NLRP4: variants seen among roughly 807,000 people sequenced by gnomAD.
The protein encoded by NLRP4 is NLR family pyrin domain containing 4.
A neutral mutation model predicts 84.7 loss-of-function variants in NLRP4; 44 were observed. That is an observed-to-expected ratio of 0.52 (90% CI 0.41 to 0.67). The LOEUF is 0.67. NLRP4 is among the 30% of genes least tolerant of loss of function. NLRP4 has a pLI of 0.00. For synonymous variants in NLRP4, 544 were observed against 476.4 expected, an observed-to-expected ratio of 1.14 and a Z score of -1.85; for missense variants, 1,260 against 1,219.4, an observed-to-expected ratio of 1.03 and a Z score of -0.50.
chr19:55,862,089 C>A lies in NLRP4; in HGVS notation c.2116C>A (p.Leu706Ile), dbSNP rs1426150497. The A allele has an allele frequency of 6.2e-7, 1 of 1,612,300 alleles. No individual in the cohort carries two copies. Residue 706 changes from leucine to isoleucine, a missense_variant, in exon 5 of 10, where the codon CTC becomes ATC. Leu to Ile is a conservative substitution (Grantham distance 5). Coordinates refer to ENST00000301295, the MANE Select transcript of NLRP4 (RefSeq NM_134444.5). ...LKYLSFTLTK[L>I]SRDDIRSLCD... ...ATACCTGAGCTTCACCCTCACGAAA[C>A]TCTCTCGTGATGACATCAGGTCCCT... is the stretch of plus-strand genomic sequence containing the variant.
rs747054234 is a variant in NLRP4 at position 55,858,055 on chromosome 19, C to T, written c.662C>T (p.Ser221Phe). 2.5e-6 allele frequency: 4 copies of T among 1,614,194 alleles called. No homozygotes were observed. The highest frequency in any genetic ancestry group is 1.1e-5 in the South Asian group (1 of 91,088). Residue 221 changes from serine to phenylalanine, a missense_variant, in exon 3 of 10, where the codon TCT (serine) becomes TTT (phenylalanine). Coordinates refer to ENST00000301295, the MANE Select transcript of NLRP4 (RefSeq NM_134444.5). The surrounding 1 kb of genome is among the most constrained non-coding windows in gnomAD (Gnocchi z 4.2). ...GCTGCTCCTATAACAGAGATCGTGT[C>T]TCAACCGGAGAGACTCTTGTTCGTC... is the stretch of plus-strand genomic sequence containing the variant. ...DPAAPITEIV[S>F]QPERLLFVID...
intron 3 of NLRP4, among the ~76,000 whole-genome samples, chr19:55,860,329 C>T (rs1052903208): frequency 6.6e-6 from 1 of 152,230 alleles, no homozygotes; most frequent in Non-Finnish European, 1.5e-5. Context: ...ATAACCCCAA[C>T]ACTTTGAGAA....
chr19:55,871,778 A>G (rs1985192816), intron 7 of NLRP4, among the ~76,000 whole-genome samples: 1 of 152,170 alleles, frequency 6.6e-6, no homozygotes, highest in Non-Finnish European at 1.5e-5. Context: ...GCACTGAAAG[A>G]CACCAAAAAC....
intron 1 of NLRP4, among the ~76,000 whole-genome samples, chr19:55,839,320 T>TGTGTGTGTGTGTGTGTGTGC (rs1373920562): frequency 1.3e-5 from 2 of 152,050 alleles, no homozygotes; most frequent in African/African-American, 4.8e-5. Flanking sequence ...TGTGTGTGTG[T>TGTGTGTGTGTGTGTGTGTGC]GCTCTTTCAC....
At chr19:55,861,912 G>T (rs997108920) in intron 4 of NLRP4, 80 bp from the exon 5 acceptor site, 25 of 943,866 alleles carry the variant, frequency 2.6e-5, no homozygotes, top group Non-Finnish European at 4.1e-5. Context: ...GTTCATGATG[G>T]ATGATGAGAG....
chr19:55,843,008 C>T (rs568560420), intron 1 of NLRP4, among the ~76,000 whole-genome samples: 50 of 152,298 alleles, frequency 3.3e-4, no homozygotes, highest in Non-Finnish European at 6.2e-4. Flanking sequence ...ATCCGCCCAC[C>T]TCGGCCTCCC....
At chr19:55,842,792 C>A (rs1049857602) in intron 1 of NLRP4, among the ~76,000 whole-genome samples, 2 of 151,906 alleles carry the variant, frequency 1.3e-5, no homozygotes, top group East Asian at 3.9e-4. Context: ...TGGAGTGTTG[C>A]TCTGTCACCC....
intron 7 of NLRP4, among the ~76,000 whole-genome samples, chr19:55,873,751 C>T (rs1337365466): frequency 6.6e-6 from 1 of 152,132 alleles, no homozygotes; most frequent in East Asian, 1.9e-4. Flanking sequence ...TTATTCGGTT[C>T]ATGCTAATTT....
Position 55,842,949 on chromosome 19 carries a change from T to C in NLRP4, c.-66+6015T>C, listed in dbSNP as rs141692786. Among the ~76,000 whole-genome samples the C allele has an allele frequency of 2.4e-3, 360 of 151,848 alleles. 1 individual carries two copies. Among genetic ancestry groups the C allele is most frequent in the African/African-American group, 7.7e-3 (320 of 41,476 alleles). ...TAATTTTTTGTGTATTTAGTAGAGATGGGGTTTCACCGTGTTAGCCAGGAT... is the reference window on the plus strand; with the variant it reads ...TAATTTTTTGTGTATTTAGTAGAGACGGGGTTTCACCGTGTTAGCCAGGAT... On this transcript the variant is annotated intron_variant, in intron 1 of 9. Coordinates refer to ENST00000301295, the MANE Select transcript of NLRP4 (RefSeq NM_134444.5).
chr19:55,838,035 C>CCAAAAAA (rs59078329), intron 1 of NLRP4, among the ~76,000 whole-genome samples: 43 of 132,590 alleles, frequency 3.2e-4, no homozygotes, highest in African/African-American at 4.6e-4. Flanking sequence ...GACTCGGTCT[C>CCAAAAAA]AAGCTGGATG....
intron 2 of NLRP4, among the ~76,000 whole-genome samples, chr19:55,853,941 T>G (rs535841761): frequency 1.4e-5 from 2 of 140,118 alleles, no homozygotes; most frequent in East Asian, 4.4e-4. Context: ...CTCTCTCTCT[T>G]TCTGTCTTTC....
intron 2 of NLRP4, among the ~76,000 whole-genome samples, chr19:55,856,019 A>G (rs1031865823): frequency 2.6e-5 from 4 of 152,222 alleles, no homozygotes; most frequent in Non-Finnish European, 5.9e-5. Context: ...TTTTCGAGAC[A>G]GTCTCGCTCT....
intron 7 of NLRP4, among the ~76,000 whole-genome samples, chr19:55,875,881 T>TA (rs1269317605): frequency 7.0e-6 from 1 of 143,320 alleles, no homozygotes; most frequent in Non-Finnish European, 1.5e-5. Flanking sequence ...AAAAAAAAAA[T>TA]ACAGAATTAG....
In NLRP4 at chr19:55,857,958, T is replaced by C; in HGVS notation, c.565T>C (p.Cys189Arg). The C allele has an allele frequency of 6.2e-7, 1 of 1,614,176 alleles. No individual in the cohort carries two copies. Among genetic ancestry groups the C allele is most frequent in the Non-Finnish European group, 8.5e-7 (1 of 1,179,992 alleles). ...RDRFLYTFYF[C>R]CRELRELPPT... ...TAGGTTCCTGTACACGTTCTATTTCTGCTGCAGAGAACTGAGGGAGTTGCC... is the reference window on the plus strand; with the variant it reads ...TAGGTTCCTGTACACGTTCTATTTCCGCTGCAGAGAACTGAGGGAGTTGCC... Residue 189 changes from cysteine to arginine, a missense_variant, in exon 3 of 10, where the codon TGC (cysteine) becomes CGC (arginine). Cys to Arg is a radical substitution (Grantham distance 180). Coordinates refer to ENST00000301295, the MANE Select transcript of NLRP4 (RefSeq NM_134444.5).
chr19:55,856,339 C>G (rs17710196), intron 2 of NLRP4, among the ~76,000 whole-genome samples: 11 of 151,960 alleles, frequency 7.2e-5, no homozygotes, highest in Admixed American at 3.9e-4. Flanking sequence ...AAGAGTCCAG[C>G]GTCTGTGTGT....
intron 1 of NLRP4, among the ~76,000 whole-genome samples, chr19:55,839,771 TC>T (rs1309942597): frequency 6.6e-6 from 1 of 152,202 alleles, no homozygotes; most frequent in Non-Finnish European, 1.5e-5. Context: ...GATTATTTTT[TC>T]TACTTTCTTT....
chr19:55,837,185 T>G (rs1386659238), intron 1 of NLRP4, among the ~76,000 whole-genome samples: 3 of 152,132 alleles, frequency 2.0e-5, no homozygotes, highest in Non-Finnish European at 4.4e-5. Context: ...TATCATTTCT[T>G]TGTGTTAGGA....
At position 55,861,344 on chromosome 19, in the gene NLRP4, T is replaced by C. The variant is rs1391531356; in HGVS notation, c.1857-42T>C. 3.8e-6 allele frequency: 6 copies of C among 1,594,286 alleles called. No individual in the cohort carries two copies. The African/African-American group carries it at 5.4e-5, about 14-fold the overall frequency. ...TATATGTGTTACAAGTGGCTCGTGTTGACCGCCTGCCTGTGGAAAGCTCGT... is the reference window on the plus strand; with the variant it reads ...TATATGTGTTACAAGTGGCTCGTGTCGACCGCCTGCCTGTGGAAAGCTCGT... On this transcript the variant is annotated intron_variant, in intron 3 of 9. Transcript: ENST00000301295.
chr19:55,839,985 T>C (rs1318702793), intron 1 of NLRP4, among the ~76,000 whole-genome samples: 1 of 152,208 alleles, frequency 6.6e-6, no homozygotes, highest in Admixed American at 6.5e-5. Flanking sequence ...TGTTTCTTAA[T>C]TTTGGAATGT....
Sources: allele counts gnomAD v4.1 joint callset (sites outside exome capture counted in the v4.1 genomes callset), GRCh38; gene constraint gnomAD v4.1.1; non-coding constraint Gnocchi (gnomAD v3.1); transcripts MANE v1.5; gene names NCBI Gene and HGNC (gene_info 2026-07-23, HGNC 2026-07-21).